ASIC4: variants seen among roughly 807,000 people sequenced by gnomAD.
ASIC4 encodes the protein acid sensing ion channel subunit family member 4.
ASIC4 carries 28 observed loss-of-function variants against 53.4 expected under a neutral mutation model. The ratio of observed to expected loss-of-function variants is 0.52; its 90% CI spans 0.39 to 0.72. The LOEUF (loss-of-function observed/expected upper bound fraction) is 0.72, where lower values mean the gene tolerates loss of function less well. Ranked by LOEUF, ASIC4 falls within the 30% of genes least tolerant of loss-of-function variation. The pLI, the probability that ASIC4 is intolerant of heterozygous loss-of-function variation, is 0.00. For synonymous variants in ASIC4, 289 were observed against 301.4 expected, an observed-to-expected ratio of 0.96 and a Z score of 0.43; for missense variants, 649 against 729.7, an observed-to-expected ratio of 0.89 and a Z score of 1.27.
chr2:219,536,603 T>C lies in ASIC4; in HGVS notation c.1230-463T>C, dbSNP rs1212227460. Among the ~76,000 whole-genome samples, 1 of 126,056 alleles carries C rather than the reference T, an allele frequency of 7.9e-6. No individual in the cohort carries two copies. Among genetic ancestry groups the C allele is most frequent in the Non-Finnish European group, 1.7e-5 (1 of 58,958 alleles). The allele number at this position is 126,056 out of a possible 152,430, so 82.7% of individuals were successfully genotyped here. A position where few individuals can be genotyped will look rare whatever the true frequency, so the allele number is the denominator to read the frequency against. ...CGTCCAGTGACAGGACGTGGGGCGG[T>C]GGGGTGGTGTGGCGGGGAGCCTGAG... On this transcript the variant is annotated intron_variant, in intron 6 of 9. Transcript: ENST00000358078. This position sits in a 1 kb window ranked among gnomAD's most constrained non-coding sequence, Gnocchi z 4.6.
At chr2:219,535,459 G>T (rs896302605) in intron 6 of ASIC4, 135 bp downstream of exon 6, 9 of 1,054,138 alleles carry the variant, frequency 8.5e-6, no homozygotes, top group Non-Finnish European at 1.2e-5. Context: ...GGGTGTGGGT[G>T]TGTATGTGTG....
At chr2:219,521,266 T>G (rs1306052173) in intron 1 of ASIC4, among the ~76,000 whole-genome samples, 1 of 152,204 alleles carries the variant, frequency 6.6e-6, no homozygotes, top group Non-Finnish European at 1.5e-5. Flanking sequence ...CCCCGTGGCC[T>G]CTTCATTAAT....
rs1183603763 is a variant in ASIC4 at position 219,518,229 on chromosome 2, A to G, written c.582+2923A>G. Among the ~76,000 whole-genome samples, 1 of 152,230 alleles carries G rather than the reference A, an allele frequency of 6.6e-6. No homozygotes were observed. The highest frequency in any genetic ancestry group is 1.9e-4 in the East Asian group (1 of 5,198). ...GCCTATAGTCTCGTAGAGTGGGGAC[A>G]GGGACACTCAGAAGTTTAAGCAACC... On this transcript the variant is annotated intron_variant, in intron 1 of 9. Transcript: ENST00000358078. The surrounding 1 kb of genome is among the most constrained non-coding windows in gnomAD (Gnocchi z 4.8).
intron 1 of ASIC4, among the ~76,000 whole-genome samples, chr2:219,531,347 C>A (rs1228517479): frequency 6.6e-6 from 1 of 151,760 alleles, no homozygotes; most frequent in Non-Finnish European, 1.5e-5. Context: ...GCCTGGGCAA[C>A]AGAGCAAGAC....
intron 1 of ASIC4, among the ~76,000 whole-genome samples, chr2:219,523,004 T>C (rs1424474814): frequency 2.0e-5 from 3 of 151,876 alleles, no homozygotes; most frequent in Non-Finnish European, 4.4e-5. Context: ...GGGCCAGGCC[T>C]GGGCGGCCAG....
chr2:219,530,182 G>A (rs1439291564), intron 1 of ASIC4, among the ~76,000 whole-genome samples: 1 of 152,222 alleles, frequency 6.6e-6, no homozygotes, highest in Non-Finnish European at 1.5e-5. Context: ...GGTGCTGCCT[G>A]TGATGGGTTT....
Position 219,538,128 on chromosome 2 carries a change from C to T in ASIC4, c.*82C>T, listed in dbSNP as rs953753785. The T allele has an allele frequency of 8.9e-6, 11 of 1,234,624 alleles. No homozygotes were observed. The African/African-American group carries it at 1.6e-4, about 18-fold the overall frequency. 76.5% of individuals were successfully genotyped at this position (1,234,624 alleles called of 1,614,324 possible). A position where few individuals can be genotyped will look rare whatever the true frequency, so the allele number is the denominator to read the frequency against. On this transcript the variant is annotated 3_prime_UTR_variant, in exon 10 of 10. Coordinates refer to ENST00000358078, the MANE Select transcript of ASIC4 (RefSeq NM_018674.6). The stretch of plus-strand genomic sequence containing the variant: ...CACATTCTCCTGCTCCTGGGAGAGG[C>T]CTGGGGGCGGTGCTCACTGGGAGGG...
intron 5 of ASIC4, among the ~76,000 whole-genome samples, chr2:219,534,371 G>A (rs1233819586): frequency 6.6e-6 from 1 of 152,258 alleles, no homozygotes; most frequent in Non-Finnish European, 1.5e-5. Flanking sequence ...AGCAACATGG[G>A]GAGCCTTCAT....
intron 1 of ASIC4, among the ~76,000 whole-genome samples, chr2:219,526,784 C>T (rs919420337): frequency 6.6e-6 from 1 of 152,138 alleles, no homozygotes; most frequent in Non-Finnish European, 1.5e-5. Context: ...CAGACATAGT[C>T]CTGTCTAGGA....
rs1353144603 is a variant in ASIC4, at chr2:219,517,895, T to G, written c.582+2589T>G. ...GTTTTCTGTTGCTTTCCCTGTTTCC[T>G]CCTTCCCACTCCCCACTCTGCTGTG... On this transcript the variant is annotated intron_variant, in intron 1 of 9. Coordinates refer to ENST00000358078, the MANE Select transcript of ASIC4 (RefSeq NM_018674.6). This position sits in a 1 kb window ranked among gnomAD's most constrained non-coding sequence, Gnocchi z 4.2. 6.6e-6 allele frequency among the ~76,000 whole-genome samples: 1 copy of G among 152,072 alleles called. No individual in the cohort carries two copies. The highest frequency in any genetic ancestry group is 6.5e-5 in the Admixed American group (1 of 15,268).
chr2:219,530,927 C>T (rs1346681472), intron 1 of ASIC4, among the ~76,000 whole-genome samples: 1 of 152,176 alleles, frequency 6.6e-6, no homozygotes. Flanking sequence ...GCACTGTGGA[C>T]TGGGCACCAT....
At chr2:219,513,022 C>A (rs1405720755), upstream of ASIC4, among the ~76,000 whole-genome samples, 1 of 152,170 alleles carries the variant, frequency 6.6e-6, no homozygotes, top group Non-Finnish European at 1.5e-5. Context: ...GCAGAGGCTG[C>A]GGGGCCAGGC....
intron 1 of ASIC4, among the ~76,000 whole-genome samples, chr2:219,528,705 A>G (rs1413758202): frequency 6.6e-6 from 1 of 151,844 alleles, no homozygotes; most frequent in South Asian, 2.1e-4. Context: ...ACACCCAGCT[A>G]ATTTTTGTAT....
chr2:219,513,610 CG>C (rs1158282773), upstream of ASIC4, among the ~76,000 whole-genome samples: 1 of 152,204 alleles, frequency 6.6e-6, no homozygotes, highest in Non-Finnish European at 1.5e-5. Flanking sequence ...TAGAGCACCC[CG>C]GAAGCACACC....
chr2:219,521,036 G>A (rs1694876039), intron 1 of ASIC4, among the ~76,000 whole-genome samples: 1 of 152,194 alleles, frequency 6.6e-6, no homozygotes. Context: ...AGAACCAGGT[G>A]CACCCACCCT....
intron 1 of ASIC4, among the ~76,000 whole-genome samples, chr2:219,526,480 G>A (rs1028757837): frequency 6.6e-6 from 1 of 152,154 alleles, no homozygotes; most frequent in South Asian, 2.1e-4. Context: ...AAAAGGTCAG[G>A]GGGCATCCAG....
At chr2:219,534,807 ATCCATG>A (rs1253905274) in intron 5 of ASIC4, among the ~76,000 whole-genome samples, 2 of 142,644 alleles carry the variant, frequency 1.4e-5, no homozygotes, top group African/African-American at 5.0e-5. Context: ...CCATCCATCC[ATCCATG>A]CATGCATCCC....
At chr2:219,519,649 G>C (rs559670958) in intron 1 of ASIC4, among the ~76,000 whole-genome samples, 6 of 152,352 alleles carry the variant, frequency 3.9e-5, no homozygotes, top group African/African-American at 1.4e-4. Context: ...CTTGAAATGC[G>C]ATTAGTGCGA....
Position 219,533,345 on chromosome 2 carries a change from C to G in ASIC4, c.1075+406C>G, listed in dbSNP as rs1008077429. ...CTTGCCTGATCTGCAGTTCATCCATCTATCCATCCATTCATCGATTCGCGC... is the reference window on the plus strand; with the variant it reads ...CTTGCCTGATCTGCAGTTCATCCATGTATCCATCCATTCATCGATTCGCGC... On this transcript the variant is annotated intron_variant, in intron 5 of 9. Coordinates refer to ENST00000358078, the MANE Select transcript of ASIC4 (RefSeq NM_018674.6). 11 of 291,794 alleles carry G rather than the reference C, an allele frequency of 3.8e-5. No homozygotes were observed. The Admixed American group carries it at 4.9e-4, about 13-fold the overall frequency. 18.1% of individuals were successfully genotyped at this position (291,794 alleles called of 1,614,324 possible).
Sources: gnomAD v4.1 joint callset for allele counts (sites outside exome capture counted in the v4.1 genomes callset) on GRCh38, gnomAD v4.1.1 for gene constraint, Gnocchi (gnomAD v3.1) non-coding constraint, MANE v1.5 for transcripts, NCBI Gene and HGNC (gene_info 2026-07-23, HGNC 2026-07-21) for gene names.